Variants in RBFOX1 observed in about 807,000 individuals in gnomAD.
RBFOX1 encodes RNA binding fox-1 homolog 1, also known as RNA binding protein fox-1 homolog 1.
RBFOX1 carries 8 observed loss-of-function variants against 57.7 expected under a neutral mutation model. That is an observed-to-expected ratio of 0.14 (90% CI 0.08 to 0.25). The LOEUF (loss-of-function observed/expected upper bound fraction) is 0.25. RBFOX1 is among the 10% of genes least tolerant of loss of function. The probability of loss-of-function intolerance (pLI) is 1.00; values close to 1 mark genes in which losing one functional copy is unlikely to be tolerated. For missense variants in RBFOX1, 611 were observed against 548.5 expected, an observed-to-expected ratio of 1.11 and a Z score of -1.14; for synonymous variants, 326 against 222.4, an observed-to-expected ratio of 1.47 and a Z score of -4.15.
intron 2 of RBFOX1, among the ~76,000 whole-genome samples, chr16:6,595,207 C>T (rs906021981): frequency 1.3e-5 from 2 of 152,046 alleles, no homozygotes; most frequent in East Asian, 1.9e-4. Flanking sequence ...GTACTCACAC[C>T]CTGTACACCC....
At chr16:5,941,313 G>C (rs62013908) in intron 4 of RBFOX1, among the ~76,000 whole-genome samples, 31,769 of 151,840 alleles carry the variant, frequency 0.21, 3,849 homozygotes, top group Middle Eastern at 0.4. Flanking sequence ...AACGTAGTGA[G>C]ATCTTATCTC....
chr16:5,571,501 G>T (rs1177556354), intron 2 of RBFOX1, among the ~76,000 whole-genome samples: 1 of 152,014 alleles, frequency 6.6e-6, no homozygotes, highest in Admixed American at 6.6e-5. Flanking sequence ...AAGGCCTGAG[G>T]GTCGTGGCCA....
chr16:6,520,973 A>T lies in RBFOX1; in HGVS notation c.-63-133630A>T, dbSNP rs140066060. 8.5e-3 allele frequency among the ~76,000 whole-genome samples: 1,292 copies of T among 152,060 alleles called. 12 individuals carry two copies. The highest frequency in any genetic ancestry group is 0.029 in the African/African-American group (1,218 of 41,456). On this transcript the variant is annotated intron_variant, in intron 2 of 15. Transcript: ENST00000550418. Reference sequence around the variant, plus strand: ...AAAAAAATAATTGCTTCGCCACTAGAGAGATGTAAATTGGCATAAATTTTC... The same window carrying T: ...AAAAAAATAATTGCTTCGCCACTAGTGAGATGTAAATTGGCATAAATTTTC...
intron 2 of RBFOX1, among the ~76,000 whole-genome samples, chr16:6,638,958 C>G (rs919628602): frequency 6.6e-6 from 1 of 152,178 alleles, no homozygotes; most frequent in Admixed American, 6.5e-5. Flanking sequence ...GAAAATATTG[C>G]TTCCCAAGAA....
intron 3 of RBFOX1, among the ~76,000 whole-genome samples, chr16:5,688,035 A>G (rs1233823836): frequency 6.6e-6 from 1 of 152,190 alleles, no homozygotes; most frequent in Non-Finnish European, 1.5e-5. Context: ...AGAAATCAAT[A>G]CAAAATTTGA....
chr16:6,432,761 C>T (rs757530559), intron 2 of RBFOX1, among the ~76,000 whole-genome samples: 2 of 151,954 alleles, frequency 1.3e-5, no homozygotes, highest in Non-Finnish European at 2.9e-5. Context: ...GGGCAGGTCA[C>T]GAGGTCGGGA....
intron 1 of RBFOX1, among the ~76,000 whole-genome samples, chr16:5,255,694 AC>A (rs748466688): frequency 2.6e-5 from 4 of 151,484 alleles, no homozygotes; most frequent in South Asian, 4.2e-4. Flanking sequence ...CTATCCATCC[AC>A]CCACCTATCT....
chr16:6,333,835 G>C (rs553258704), intron 2 of RBFOX1, among the ~76,000 whole-genome samples: 1 of 152,284 alleles, frequency 6.6e-6, no homozygotes, highest in East Asian at 1.9e-4. Context: ...TAATAATAAA[G>C]TGATTTTTCA....
intron 4 of RBFOX1, among the ~76,000 whole-genome samples, chr16:7,386,949 G>C (rs1282217474): frequency 6.6e-6 from 1 of 152,010 alleles, no homozygotes; most frequent in African/African-American, 2.4e-5. Context: ...ATCTCATTGT[G>C]GTTTTGATTT....
chr16:6,192,353 T>C (rs2152811463), intron 1 of RBFOX1, among the ~76,000 whole-genome samples: 1 of 152,270 alleles, frequency 6.6e-6, no homozygotes, highest in African/African-American at 2.4e-5. Context: ...CATTTTGTCT[T>C]CTGAAGGAAC....
chr16:6,194,722 A>G (rs1034804625), intron 1 of RBFOX1, among the ~76,000 whole-genome samples: 5 of 151,972 alleles, frequency 3.3e-5, no homozygotes, highest in African/African-American at 9.7e-5. Context: ...CACTCCAAAT[A>G]CTCTATCCCT....
intron 2 of RBFOX1, among the ~76,000 whole-genome samples, chr16:6,565,803 A>AC (rs2097257284): frequency 6.6e-6 from 1 of 152,186 alleles, no homozygotes; most frequent in South Asian, 2.1e-4. Flanking sequence ...AGCTCACCTG[A>AC]TGAAAAAAAG....
chr16:6,241,018 G>C (rs13336322), intron 1 of RBFOX1, among the ~76,000 whole-genome samples: 33,936 of 151,896 alleles, frequency 0.22, 4,859 homozygotes, highest in African/African-American at 0.41. Context: ...TCAATACTTC[G>C]CATTCATAAT....
chr16:7,413,730 G>GGGTT (rs1399182154), intron 4 of RBFOX1, among the ~76,000 whole-genome samples: 1 of 152,022 alleles, frequency 6.6e-6, no homozygotes, highest in African/African-American at 2.4e-5. Flanking sequence ...CAAGCAAAGG[G>GGGTT]GGTTACTTGG....
At chr16:6,678,711 C>T (rs1168813361) in intron 3 of RBFOX1, among the ~76,000 whole-genome samples, 8 of 151,944 alleles carry the variant, frequency 5.3e-5, no homozygotes, top group Middle Eastern at 3.4e-3. Context: ...CTCTGTGTAT[C>T]TCAGAGTAGA....
At chr16:5,855,178 C>A (rs1046786610) in intron 3 of RBFOX1, among the ~76,000 whole-genome samples, 6 of 152,076 alleles carry the variant, frequency 3.9e-5, no homozygotes, top group African/African-American at 1.2e-4. Flanking sequence ...CCGTAGGTTG[C>A]TATTTTGTTC....
rs144211106 is a variant in RBFOX1 at position 7,015,845 on chromosome 16, T to C, written c.-15-36212T>C. On this transcript the variant is annotated intron_variant, in intron 3 of 15. Coordinates refer to ENST00000550418, the MANE Select transcript of RBFOX1 (RefSeq NM_018723.4). Reference sequence around the variant, plus strand: ...GAAATATTATTCCACAATAAGCAATTGTGAAATACTAAATTTACTTGGCTT... The same window carrying C: ...GAAATATTATTCCACAATAAGCAATCGTGAAATACTAAATTTACTTGGCTT... Among the ~76,000 whole-genome samples, 238 of 152,284 alleles carry C rather than the reference T, an allele frequency of 1.6e-3. 2 individuals carry two copies. The highest frequency in any genetic ancestry group is 5.6e-3 in the African/African-American group (231 of 41,560).
At chr16:7,410,320 T>C (rs1301170675) in intron 4 of RBFOX1, among the ~76,000 whole-genome samples, 1 of 152,204 alleles carries the variant, frequency 6.6e-6, no homozygotes, top group African/African-American at 2.4e-5. Flanking sequence ...ATAAGGATGC[T>C]GAGCTGTGGG....
At chr16:6,833,021 C>T (rs1237054165) in intron 3 of RBFOX1, among the ~76,000 whole-genome samples, 1 of 152,072 alleles carries the variant, frequency 6.6e-6, no homozygotes. Flanking sequence ...CAGCACTAGT[C>T]CTACAGGCCT....
Sources: gnomAD v4.1 joint callset for allele counts (sites outside exome capture counted in the v4.1 genomes callset) on GRCh38, gnomAD v4.1.1 for gene constraint, MANE v1.5 for transcripts, NCBI Gene and HGNC (gene_info 2026-07-23, HGNC 2026-07-21) for gene names.